Variants in USP10 observed in about 807,000 individuals in gnomAD.
USP10 encodes the protein ubiquitin specific peptidase 10, also known as ubiquitin carboxyl-terminal hydrolase 10.
Under a neutral mutation model 84.5 loss-of-function variants are expected in USP10, and 22 were observed. The ratio of observed to expected loss-of-function variants is 0.26; its 90% confidence interval spans 0.19 to 0.37. The LOEUF (loss-of-function observed/expected upper bound fraction) is 0.37, where lower values mean the gene tolerates loss of function less well. Ranked by LOEUF, USP10 falls within the 10% of genes least tolerant of loss-of-function variation. The pLI is 1.00. For synonymous variants in USP10, 454 were observed against 387.6 expected (o/e 1.17, Z -2.01); for missense variants, 1,019 against 998.9 (o/e 1.02, Z -0.27).
At chr16:84,701,937 CT>C (rs575487855) in intron 1 of USP10, among the ~76,000 whole-genome samples, 24,051 of 124,160 alleles carry the variant, frequency 0.19, 2,464 homozygotes, top group Non-Finnish European at 0.27. Context: ...TTTTCTTCTT[CT>C]TTTTTTTTTT....
rs939885371 is a variant in USP10 at position 84,714,210 on chromosome 16, G to A, written c.21+14099G>A. Among the ~76,000 whole-genome samples, 10 of 152,340 alleles carry A rather than the reference G, an allele frequency of 6.6e-5. No individual in the cohort carries two copies. The East Asian group carries it at 1.9e-3, about 29-fold the overall frequency. ...GAGGAGGGGCAGGCCTTAGGGTGGC[G>A]GGAGGTGGGTGGCTGGCGGGAGCCA... On this transcript the variant is annotated intron_variant, in intron 1 of 13. Coordinates refer to ENST00000219473, the MANE Select transcript of USP10 (RefSeq NM_005153.3).
At chr16:84,703,915 T>A (rs1490965676) in intron 1 of USP10, among the ~76,000 whole-genome samples, 1 of 152,230 alleles carries the variant, frequency 6.6e-6, no homozygotes, top group Non-Finnish European at 1.5e-5. Flanking sequence ...TCTAAATTCC[T>A]CACTAAAGCA....
intron 4 of USP10, among the ~76,000 whole-genome samples, chr16:84,750,591 T>C (rs1911814561): frequency 6.6e-6 from 1 of 152,188 alleles, no homozygotes; most frequent in African/African-American, 2.4e-5. Context: ...ATGCTTTCAT[T>C]GAACATTGTA....
rs545541338 is a variant in USP10, at chr16:84,742,971, G to C, written c.152-1662G>C. Among the ~76,000 whole-genome samples the C allele has an allele frequency of 3.4e-4, 52 of 152,276 alleles. 1 individual carries two copies. The highest frequency in any genetic ancestry group is 3.4e-3 in the Admixed American group (52 of 15,294). ...TTGCATAAGCTGAATGACACAACAC[G>C]TTCTAGTTTCTAATGTGATTTCACA... On this transcript the variant is annotated intron_variant, in intron 3 of 13. Transcript: ENST00000219473.
chr16:84,700,082 C>G lies in USP10; in HGVS notation c.-9C>G. The G allele has an allele frequency of 7.3e-7, 1 of 1,372,538 alleles. No homozygotes were observed. Among genetic ancestry groups the G allele is most frequent in the African/African-American group, 1.5e-5 (1 of 65,022 alleles). 85.0% of individuals were successfully genotyped at this position (1,372,538 alleles called of 1,614,324 possible). On this transcript the variant is annotated 5_prime_UTR_variant, in exon 1 of 14. Coordinates refer to ENST00000219473, the MANE Select transcript of USP10 (RefSeq NM_005153.3). ...GGAGGATCGCGGAGTCCCAATGAAA[C>G]GGGCAGCCATGGCCCTCCACAGCCC...
intron 4 of USP10, among the ~76,000 whole-genome samples, chr16:84,749,575 A>G (rs1323913197): frequency 1.2e-5 from 1 of 86,092 alleles, no homozygotes; most frequent in Non-Finnish European, 2.5e-5. Context: ...CCCCATCTTT[A>G]AAAAAAAAAA....
In USP10 at chr16:84,759,394, T is replaced by A; in HGVS notation, c.1316T>A (p.Met439Lys). ...TLQALVACPP[M>K]YHLMKFIPLY... ...CAGGCATTGGTTGCTTGCCCGCCGA[T>A]GTACCACCTGATGAAGTTCATTCCT... The change falls in exon 6 of 14, where the codon ATG (methionine) becomes AAG (lysine). Residue 439 changes from methionine to lysine, a missense_variant. Coordinates refer to ENST00000219473, the MANE Select transcript of USP10 (RefSeq NM_005153.3). 6.2e-7 allele frequency: 1 copy of A among 1,614,034 alleles called. No homozygotes were observed. The highest frequency in any genetic ancestry group is 8.5e-7 in the Non-Finnish European group (1 of 1,179,894).
intron 4 of USP10, among the ~76,000 whole-genome samples, chr16:84,754,854 A>G (rs2150840006): frequency 6.6e-6 from 1 of 152,252 alleles, no homozygotes; most frequent in Non-Finnish European, 1.5e-5. Context: ...AAGAACATGA[A>G]AGGAGGCCAG....
In USP10 at chr16:84,774,710, T is replaced by C. The variant is rs1426902820; in HGVS notation, c.2144-450T>C. Among the ~76,000 whole-genome samples the C allele has an allele frequency of 5.3e-5, 8 of 152,262 alleles. No individual in the cohort carries two copies. The East Asian group carries it at 1.4e-3, about 26-fold the overall frequency. Reference sequence around the variant, plus strand: ...TGGTCTCGATCTCCTGACCTCGTGATCGCCCGTCTCAGCCTCCCAAAGTGC... The same window carrying C: ...TGGTCTCGATCTCCTGACCTCGTGACCGCCCGTCTCAGCCTCCCAAAGTGC... On this transcript the variant is annotated intron_variant, in intron 12 of 13. Transcript: ENST00000219473.
chr16:84,704,522 T>C (rs1349303232), intron 1 of USP10, among the ~76,000 whole-genome samples: 1 of 152,270 alleles, frequency 6.6e-6, no homozygotes, highest in East Asian at 1.9e-4. Flanking sequence ...GCAGTTTTCC[T>C]GTTTATTGAA....
At chr16:84,720,852 G>A (rs966897912) in intron 1 of USP10, among the ~76,000 whole-genome samples, 2 of 149,844 alleles carry the variant, frequency 1.3e-5, no homozygotes, top group African/African-American at 4.9e-5. Context: ...AAAGTGCTGG[G>A]ATTACAGTCC....
chr16:84,723,468 C>G (rs955314774), intron 1 of USP10, among the ~76,000 whole-genome samples: 1 of 152,076 alleles, frequency 6.6e-6, no homozygotes, highest in Non-Finnish European at 1.5e-5. Context: ...GAATAAAAAC[C>G]ATTCAGAGTG....
chr16:84,715,872 C>A (rs1030990622), intron 1 of USP10, among the ~76,000 whole-genome samples: 3 of 152,116 alleles, frequency 2.0e-5, no homozygotes, highest in Admixed American at 6.6e-5. Flanking sequence ...GGCTAGTTTC[C>A]CCCACGATGG....
At chr16:84,711,368 C>G (rs1389740647) in intron 1 of USP10, among the ~76,000 whole-genome samples, 1 of 152,182 alleles carries the variant, frequency 6.6e-6, no homozygotes, top group Non-Finnish European at 1.5e-5. Flanking sequence ...CAGCACACTC[C>G]CCCACAGCTC....
intron 4 of USP10, among the ~76,000 whole-genome samples, chr16:84,751,783 A>G (rs189885349): frequency 1.1e-4 from 17 of 152,336 alleles, no homozygotes; most frequent in African/African-American, 4.1e-4. Flanking sequence ...ATTACGGGCC[A>G]GTTATTGAGC....
intron 2 of USP10, among the ~76,000 whole-genome samples, chr16:84,734,859 G>T (rs1450055584): frequency 2.0e-5 from 3 of 152,116 alleles, no homozygotes; most frequent in Admixed American, 2.0e-4. Context: ...TGCCCCTGTG[G>T]CCCTGGCAGG....
chr16:84,730,361 C>T (rs967616497), intron 1 of USP10, among the ~76,000 whole-genome samples: 2 of 151,872 alleles, frequency 1.3e-5, no homozygotes, highest in Non-Finnish European at 2.9e-5. Flanking sequence ...TAAAGTTCTT[C>T]CTCATTTTCC....
chr16:84,770,669 G>A (rs1914340668), intron 11 of USP10, among the ~76,000 whole-genome samples: 1 of 151,974 alleles, frequency 6.6e-6, no homozygotes, highest in South Asian at 2.1e-4. Flanking sequence ...CTACTCAGGA[G>A]GCTGAGGCAG....
chr16:84,705,587 T>C (rs1390579314), intron 1 of USP10, among the ~76,000 whole-genome samples: 1 of 151,706 alleles, frequency 6.6e-6, no homozygotes, highest in East Asian at 1.9e-4. Context: ...CCTCCGTCCC[T>C]TTCCCTCTTT....
Sources: gnomAD v4.1 joint callset for allele counts (sites outside exome capture counted in the v4.1 genomes callset) on GRCh38, gnomAD v4.1.1 for gene constraint, MANE v1.5 for transcripts, NCBI Gene and HGNC (gene_info 2026-07-23, HGNC 2026-07-21) for gene names.